NIM1K: variants seen among roughly 807,000 people sequenced by gnomAD.
NIM1K encodes NIM1 serine/threonine protein kinase.
NIM1K carries 35 observed loss-of-function variants against 37.1 expected under a neutral mutation model. The observed-to-expected ratio is 0.94, with a 90% confidence interval of 0.72 to 1.25. The LOEUF (loss-of-function observed/expected upper bound fraction) is 1.25. Ranked by LOEUF, NIM1K falls within the 50% of genes most tolerant of loss-of-function variation. The pLI is 0.00. For missense variants in NIM1K, 564 were observed against 548.0 expected (o/e 1.03, Z -0.29); for synonymous variants, 234 against 206.6 (o/e 1.13, Z -1.14).
In NIM1K at chr5:43,277,224, G is replaced by A. The variant is rs372900647; in HGVS notation, c.460G>A (p.Gly154Arg). 1 of 1,614,022 alleles carries A rather than the reference G, an allele frequency of 6.2e-7. No homozygotes were observed. Among genetic ancestry groups the A allele is most frequent in the Non-Finnish European group, 8.5e-7 (1 of 1,179,938 alleles). The change falls in exon 3 of 4, where the codon GGG becomes AGG. Residue 154 changes from glycine to arginine, a missense_variant. Physicochemically the swap from Gly to Arg is moderately radical, Grantham distance 125. Coordinates refer to ENST00000326035, the MANE Select transcript of NIM1K (RefSeq NM_153361.4). ...GCTGCACTTGGTGATGGAGTATGCA[G>A]GGGGTGGGGAGCTCTTCGGAAAAAT... ...SKLHLVMEYA[G>R]GGELFGKIST... is the part of the protein sequence containing the mutation.
chr5:43,277,222 C>A lies in NIM1K; in HGVS notation c.458C>A (p.Ala153Glu). Residue 153 changes from alanine to glutamate, a missense_variant, in exon 3 of 4, where the codon GCA becomes GAA. Transcript: ENST00000326035. Reference sequence around the variant, plus strand: ...AAGCTGCACTTGGTGATGGAGTATGCAGGGGGTGGGGAGCTCTTCGGAAAA... The same window carrying A: ...AAGCTGCACTTGGTGATGGAGTATGAAGGGGGTGGGGAGCTCTTCGGAAAA... The part of the protein sequence containing the change: ...LSKLHLVMEY[A>E]GGGELFGKIS... The A allele has an allele frequency of 1.2e-6, 2 of 1,613,994 alleles. No individual in the cohort carries two copies. The highest frequency in any genetic ancestry group is 1.7e-6 in the Non-Finnish European group (2 of 1,179,982).
intron 2 of NIM1K, among the ~76,000 whole-genome samples, chr5:43,250,066 A>C (rs1286225695): frequency 1.3e-5 from 2 of 151,604 alleles, no homozygotes; most frequent in Admixed American, 6.6e-5. Flanking sequence ...GTTAGCCAGG[A>C]TGGTCTCGAT....
chr5:43,235,075 CT>C (rs1752601744), intron 1 of NIM1K, among the ~76,000 whole-genome samples: 1 of 152,166 alleles, frequency 6.6e-6, no homozygotes, highest in East Asian at 1.9e-4. Flanking sequence ...TTTTAAAAAA[CT>C]TTATTTGATA....
intron 2 of NIM1K, among the ~76,000 whole-genome samples, chr5:43,262,840 A>T (rs1308508340): frequency 6.6e-6 from 1 of 151,782 alleles, no homozygotes; most frequent in Non-Finnish European, 1.5e-5. Context: ...TTTGTCAAAG[A>T]CCTTTTCTGC....
chr5:43,195,162 G>A (rs577871286), intron 1 of NIM1K, among the ~76,000 whole-genome samples: 7 of 152,202 alleles, frequency 4.6e-5, no homozygotes, highest in African/African-American at 1.7e-4. Context: ...CTAGAAAAAG[G>A]TCTCTAGAAT....
At chr5:43,263,399 T>A (rs561843321) in intron 2 of NIM1K, among the ~76,000 whole-genome samples, 4,858 of 152,096 alleles carry the variant, frequency 0.032, 287 homozygotes, top group African/African-American at 0.11. Context: ...ATTTGCAGAG[T>A]GGTATTTATA....
chr5:43,262,724 A>G (rs988523327), intron 2 of NIM1K, among the ~76,000 whole-genome samples: 5 of 152,092 alleles, frequency 3.3e-5, no homozygotes, highest in African/African-American at 1.2e-4. Context: ...TGCCCATTCC[A>G]TATGATATTG....
rs951400033 is a variant in NIM1K, at chr5:43,233,195, G to A, written c.-694-11887G>A. 2.3e-5 allele frequency: 26 copies of A among 1,106,928 alleles called. No individual in the cohort carries two copies. In the South Asian group the frequency reaches 2.5e-4, roughly 11 times the overall value. The allele number at this position is 1,106,928 out of a possible 1,614,324, so 68.6% of individuals were successfully genotyped here. On this transcript the variant is annotated intron_variant, in intron 1 of 3. Coordinates refer to ENST00000326035, the MANE Select transcript of NIM1K (RefSeq NM_153361.4). ...GCATGATTACTGCTTCACGGCTGCC[G>A]AGGCGATGGTGGAGACAAGGAGAGA...
chr5:43,211,098 G>C (rs1260265420), intron 1 of NIM1K, among the ~76,000 whole-genome samples: 1 of 152,152 alleles, frequency 6.6e-6, no homozygotes, highest in African/African-American at 2.4e-5. Flanking sequence ...CTTGAACCCA[G>C]GAGGCAAAGG....
chr5:43,196,805 C>G (rs575756916), intron 1 of NIM1K, among the ~76,000 whole-genome samples: 2 of 152,148 alleles, frequency 1.3e-5, no homozygotes, highest in East Asian at 3.9e-4. Flanking sequence ...CAGGTTCTCA[C>G]ACTGTTGCCC....
At chr5:43,241,676 T>C (rs1752705820) in intron 1 of NIM1K, among the ~76,000 whole-genome samples, 1 of 152,036 alleles carries the variant, frequency 6.6e-6, no homozygotes, top group Admixed American at 6.5e-5. Context: ...TAAAATTCTT[T>C]ACTTAGAAAA....
intron 1 of NIM1K, among the ~76,000 whole-genome samples, chr5:43,229,707 G>A (rs558077071): frequency 2.8e-4 from 41 of 149,016 alleles, no homozygotes; most frequent in Non-Finnish European, 5.6e-4. Context: ...CACCATCTCA[G>A]CTCACTGCAA....
intron 1 of NIM1K, chr5:43,207,923 CT>C (rs1464088681): frequency 1.4e-5 from 6 of 434,034 alleles, no homozygotes; most frequent in Admixed American, 1.1e-4. Context: ...CAAAGTTTTC[CT>C]TTTTTTAAAC....
chr5:43,201,682 C>T (rs1752022588), intron 1 of NIM1K, among the ~76,000 whole-genome samples: 1 of 151,360 alleles, frequency 6.6e-6, no homozygotes, highest in Non-Finnish European at 1.5e-5. Flanking sequence ...TTTTTCTGAC[C>T]GGGCGTGGTG....
chr5:43,233,246 T>C (rs1752567898), intron 1 of NIM1K: 8 of 691,828 alleles, frequency 1.2e-5, no homozygotes, highest in Non-Finnish European at 1.4e-5. Flanking sequence ...GTGCGACTCT[T>C]AGGTGATTGA....
intron 1 of NIM1K, among the ~76,000 whole-genome samples, chr5:43,201,518 A>C (rs1184331038): frequency 6.6e-6 from 1 of 152,196 alleles, no homozygotes; most frequent in Non-Finnish European, 1.5e-5. Flanking sequence ...ACTTTGTAAT[A>C]TGAGGTACAA....
chr5:43,234,265 C>T (rs914672006), intron 1 of NIM1K, among the ~76,000 whole-genome samples: 2 of 152,120 alleles, frequency 1.3e-5, no homozygotes, highest in Admixed American at 1.3e-4. Flanking sequence ...TTCATTCATT[C>T]ATTCATTCAA....
intron 1 of NIM1K, chr5:43,242,750 C>G (rs868867831): frequency 1.7e-4 from 25 of 151,374 alleles, no homozygotes; most frequent in African/African-American, 5.4e-4. Context: ...AACTACTGTG[C>G]AGAACTCCCA....
intron 1 of NIM1K, among the ~76,000 whole-genome samples, chr5:43,216,482 G>T (rs1752301551): frequency 6.6e-6 from 1 of 152,196 alleles, no homozygotes; most frequent in African/African-American, 2.4e-5. Context: ...ATAAAGAAAG[G>T]TATCAGAGCT....
Sources: gnomAD v4.1 joint callset for allele counts (sites outside exome capture counted in the v4.1 genomes callset) on GRCh38, gnomAD v4.1.1 for gene constraint, MANE v1.5 for transcripts, NCBI Gene and HGNC (gene_info 2026-07-23, HGNC 2026-07-21) for gene names.